Variants in USH2A observed in about 807,000 individuals in gnomAD.
The protein encoded by USH2A is Usher syndrome 2A (autosomal recessive, mild).
In USH2A, 443 loss-of-function variants were observed where a neutral mutation model predicts 538.9. The ratio of observed to expected loss-of-function variants is 0.82; its 90% CI spans 0.76 to 0.89. The LOEUF is 0.89. Among genes scored for constraint, USH2A ranks in the 40% least tolerant of loss-of-function variants. The pLI is 0.00. For synonymous variants in USH2A, 2,413 were observed against 2,273.5 expected, an observed-to-expected ratio of 1.06 and a Z score of -1.75; for missense variants, 6,633 against 6,324.8, an observed-to-expected ratio of 1.05 and a Z score of -1.65.
intron 9 of USH2A, among the ~76,000 whole-genome samples, chr1:216,317,445 C>T (rs1246601549): frequency 6.6e-6 from 1 of 152,050 alleles, no homozygotes. Context: ...CTAATGGTTT[C>T]TGGACTTAAT....
At chr1:216,416,331 C>A (rs748018505) in intron 3 of USH2A, among the ~76,000 whole-genome samples, 159 of 151,886 alleles carry the variant, frequency 1.0e-3, no homozygotes, top group Non-Finnish European at 1.4e-3. Flanking sequence ...TGCTGCATAC[C>A]CCTCAAATAT....
intron 20 of USH2A, among the ~76,000 whole-genome samples, chr1:216,186,910 T>C (rs2034617056): frequency 6.6e-6 from 1 of 151,852 alleles, no homozygotes; most frequent in East Asian, 1.9e-4. Flanking sequence ...CTTCTACTCG[T>C]CTGATTTACT....
chr1:215,979,113 G>A (rs1240033312), intron 35 of USH2A, among the ~76,000 whole-genome samples: 1 of 152,180 alleles, frequency 6.6e-6, no homozygotes, highest in East Asian at 1.9e-4. Context: ...GAGGAGCAAA[G>A]GGATGTTTTA....
Position 215,999,029 on chromosome 1 carries a change from A to T in USH2A, c.6515T>A (p.Ile2172Asn). The T allele has an allele frequency of 6.2e-7, 1 of 1,612,570 alleles. No homozygotes were observed. Among genetic ancestry groups the T allele is most frequent in the Non-Finnish European group, 8.5e-7 (1 of 1,178,964 alleles). ...QWKQPRKISGILERYVLYMSN... is the reference protein window; with the variant it reads ...QWKQPRKISGNLERYVLYMSN... Reference sequence around the variant, plus strand: ...CATATATAATACATAGCGTTCCAGAATCCCACTTATTTTTCTTGGTTGTTT... The same window carrying T: ...CATATATAATACATAGCGTTCCAGATTCCCACTTATTTTTCTTGGTTGTTT... The change falls in exon 34 of 72, where the codon ATT becomes AAT. Residue 2172 changes from isoleucine to asparagine, a missense_variant. Ile to Asn is a moderately radical substitution (Grantham distance 149). Transcript: ENST00000307340.
intron 32 of USH2A, among the ~76,000 whole-genome samples, chr1:216,013,953 G>A (rs1668640916): frequency 6.6e-6 from 1 of 152,204 alleles, no homozygotes; most frequent in African/African-American, 2.4e-5. Flanking sequence ...AAACCATTGT[G>A]ATTAAATAGC....
chr1:215,848,755 A>G (rs574954041), intron 44 of USH2A, among the ~76,000 whole-genome samples: 7 of 152,344 alleles, frequency 4.6e-5, no homozygotes, highest in South Asian at 2.1e-4. Context: ...ACTCATGTGG[A>G]TGTTACACTT....
At chr1:215,724,393 A>G (rs1659751217) in intron 61 of USH2A, among the ~76,000 whole-genome samples, 1 of 142,066 alleles carries the variant, frequency 7.0e-6, no homozygotes, top group African/African-American at 2.5e-5. Flanking sequence ...CTCACTTATA[A>G]GTAGGACTAC....
intron 43 of USH2A, among the ~76,000 whole-genome samples, chr1:215,871,646 A>T (rs1020037637): frequency 2.9e-4 from 44 of 152,248 alleles, no homozygotes; most frequent in Non-Finnish European, 5.7e-4. Flanking sequence ...GGTGTTAAAA[A>T]TAATAAAATT....
At chr1:216,033,426 G>A (rs11120725) in intron 32 of USH2A, among the ~76,000 whole-genome samples, 66,619 of 152,004 alleles carry the variant, frequency 0.44, 15,185 homozygotes, top group East Asian at 0.71. Context: ...TCCAGTCAGA[G>A]TGAACAGAAA....
intron 21 of USH2A, among the ~76,000 whole-genome samples, chr1:216,162,328 A>AT (rs923754437): frequency 5.9e-5 from 9 of 151,844 alleles, no homozygotes; most frequent in African/African-American, 1.9e-4. Flanking sequence ...TTTACATACC[A>AT]TTTTTTCCTA....
intron 56 of USH2A, among the ~76,000 whole-genome samples, chr1:215,764,579 T>C (rs964739429): frequency 6.6e-6 from 1 of 152,090 alleles, no homozygotes; most frequent in Non-Finnish European, 1.5e-5. Flanking sequence ...AGATTGAAAA[T>C]GAGAGGCAAG....
At chr1:216,278,578 G>A (rs2036714186) in intron 11 of USH2A, among the ~76,000 whole-genome samples, 1 of 152,148 alleles carries the variant, frequency 6.6e-6, no homozygotes, top group African/African-American at 2.4e-5. Context: ...AGACCTTTCT[G>A]TCTCTATTGA....
chr1:216,357,284 T>C (rs2038408330), intron 4 of USH2A, among the ~76,000 whole-genome samples: 1 of 152,146 alleles, frequency 6.6e-6, no homozygotes, highest in Non-Finnish European at 1.5e-5. Context: ...ATATACTATA[T>C]TCCTATACTC....
At chr1:215,925,846 G>A (rs1456018121) in intron 38 of USH2A, among the ~76,000 whole-genome samples, 1 of 152,088 alleles carries the variant, frequency 6.6e-6, no homozygotes, top group Non-Finnish European at 1.5e-5. Flanking sequence ...CACATATTGA[G>A]GAGCTTTATA....
At chr1:215,990,180 G>A (rs1260688648) in intron 35 of USH2A, among the ~76,000 whole-genome samples, 2 of 151,992 alleles carry the variant, frequency 1.3e-5, no homozygotes, top group African/African-American at 2.4e-5. Context: ...CTTTGAATTG[G>A]GCATAATCCA....
At chr1:216,145,961 CG>C (rs2033691935) in intron 21 of USH2A, among the ~76,000 whole-genome samples, 1 of 152,166 alleles carries the variant, frequency 6.6e-6, no homozygotes, top group Non-Finnish European at 1.5e-5. Context: ...ACTCTCTTTT[CG>C]GACTCAGCCC....
intron 4 of USH2A, among the ~76,000 whole-genome samples, chr1:216,332,313 T>C (rs984789855): frequency 1.3e-5 from 2 of 152,166 alleles, no homozygotes; most frequent in Admixed American, 1.3e-4. Context: ...AAATAATCAC[T>C]GGCAACTGCT....
intron 21 of USH2A, among the ~76,000 whole-genome samples, chr1:216,133,454 T>C (rs957280672): frequency 6.6e-6 from 1 of 152,058 alleles, no homozygotes; most frequent in Non-Finnish European, 1.5e-5. Context: ...AGAGAGGGGT[T>C]CATGGTAGAA....
chr1:216,099,103 A>G (rs1254975533), intron 21 of USH2A, among the ~76,000 whole-genome samples: 3 of 152,202 alleles, frequency 2.0e-5, no homozygotes, highest in East Asian at 1.9e-4. Flanking sequence ...CAAGCTTTAG[A>G]CTTTCCAAGA....
Sources: gnomAD v4.1 joint callset for allele counts (sites outside exome capture counted in the v4.1 genomes callset) on GRCh38, gnomAD v4.1.1 for gene constraint, MANE v1.5 for transcripts, NCBI Gene and HGNC (gene_info 2026-07-23, HGNC 2026-07-21) for gene names.